The following LRBA variants were observed in gnomAD, a reference collection of about 807,000 sequenced individuals.
LRBA encodes LPS responsive beige-like anchor protein.
A neutral mutation model predicts 330.0 loss-of-function variants in LRBA; 176 were observed. The ratio of observed to expected loss-of-function variants is 0.53; its 90% CI spans 0.47 to 0.60. The LOEUF (loss-of-function observed/expected upper bound fraction) is 0.60. Ranked by LOEUF, LRBA falls within the 20% of genes least tolerant of loss-of-function variation. The probability of loss-of-function intolerance (pLI) is 0.00; values close to 1 mark genes in which losing one functional copy is unlikely to be tolerated. For missense variants in LRBA, 3,259 were observed against 3,444.8 expected (o/e 0.95, Z 1.35); for synonymous variants, 1,230 against 1,193.0 (o/e 1.03, Z -0.64).
intron 5 of LRBA, 42 bp from the exon 6 acceptor site, chr4:150,916,780 C>A: frequency 6.8e-7 from 1 of 1,473,106 alleles, no homozygotes; most frequent in Non-Finnish European, 9.1e-7. Flanking sequence ...ACGTGAAAAC[C>A]TGTCTTATTA....
intron 36 of LRBA, among the ~76,000 whole-genome samples, chr4:150,725,078 TAAGAAAA>T (rs1445562658): frequency 3.3e-5 from 5 of 150,536 alleles, no homozygotes; most frequent in Non-Finnish European, 7.4e-5. Flanking sequence ...GAAAAAGGAA[TAAGAAAA>T]AATGAAGCAT....
Position 150,915,628 on chromosome 4 carries a change from A to T in LRBA, c.994T>A (p.Trp332Arg). The change falls in exon 8 of 57, where the codon TGG becomes AGG. Residue 332 changes from tryptophan (W) to arginine (R), a missense_variant. Physicochemically the swap from Trp to Arg is moderately radical, Grantham distance 101 (BLOSUM62 -3). Transcript: ENST00000651943. ...CTTACATCGCTAGTGTTGACAAACC[A>T]TGTTATCTCTCCATAGGAAGCCAGC... ...GELASYGEITWFVNTSDTFDK... is the reference protein window; with the variant it reads ...GELASYGEITRFVNTSDTFDK... The T allele has an allele frequency of 1.9e-6, 3 of 1,611,952 alleles. No individual in the cohort carries two copies. Among genetic ancestry groups the T allele is most frequent in the Non-Finnish European group, 2.5e-6 (3 of 1,179,108 alleles).
At chr4:150,527,013 C>CTT (rs149377678) in intron 40 of LRBA, among the ~76,000 whole-genome samples, 175 of 144,152 alleles carry the variant, frequency 1.2e-3, no homozygotes, top group African/African-American at 3.9e-3. Flanking sequence ...TTTTCTTCTA[C>CTT]TTTTTTTTTT....
intron 48 of LRBA, 82 bp from the exon 49 acceptor site, chr4:150,325,980 A>C: frequency 1.7e-5 from 13 of 785,278 alleles, no homozygotes; most frequent in East Asian, 7.9e-5. Flanking sequence ...TGAAAATATC[A>C]TTCCATACTC....
At chr4:150,494,213 G>T (rs1333875119) in intron 40 of LRBA, among the ~76,000 whole-genome samples, 1 of 152,124 alleles carries the variant, frequency 6.6e-6, no homozygotes, top group African/African-American at 2.4e-5. Context: ...AGCTTCCATT[G>T]TATATACCAC....
intron 37 of LRBA, among the ~76,000 whole-genome samples, chr4:150,622,332 A>C (rs1486805053): frequency 2.0e-5 from 3 of 152,216 alleles, no homozygotes; most frequent in Non-Finnish European, 4.4e-5. Flanking sequence ...TGAGCCTAGA[A>C]GGTCAAGACC....
At chr4:150,440,333 CAAAT>C (rs1443441566) in intron 44 of LRBA, among the ~76,000 whole-genome samples, 2 of 151,884 alleles carry the variant, frequency 1.3e-5, no homozygotes, top group African/African-American at 2.4e-5. Context: ...AAAAAGCTAA[CAAAT>C]AAATAGAATT....
chr4:150,296,520 GATA>G (rs1253111463), intron 53 of LRBA, among the ~76,000 whole-genome samples: 1 of 152,086 alleles, frequency 6.6e-6, no homozygotes, highest in Admixed American at 6.6e-5. Context: ...GATATACTTA[GATA>G]ATGGCCCTGT....
At chr4:150,682,123 G>C (rs1783106331) in intron 37 of LRBA, among the ~76,000 whole-genome samples, 2 of 152,128 alleles carry the variant, frequency 1.3e-5, no homozygotes, top group Non-Finnish European at 2.9e-5. Flanking sequence ...TTTTTAAAAA[G>C]ATTCAACAAA....
chr4:150,954,828 A>AAAAAAAAAAG (rs1737357850), intron 2 of LRBA, among the ~76,000 whole-genome samples: 1 of 143,988 alleles, frequency 6.9e-6, no homozygotes. Context: ...AAAAAAAAAA[A>AAAAAAAAAAG]AAAAAAAAAA....
chr4:150,441,493 A>G (rs1004891975), intron 44 of LRBA, among the ~76,000 whole-genome samples: 1 of 152,138 alleles, frequency 6.6e-6, no homozygotes, highest in Non-Finnish European at 1.5e-5. Context: ...TTAAAAGCAC[A>G]TAACAGACTT....
chr4:150,862,791 A>C (rs1752125051), intron 22 of LRBA, among the ~76,000 whole-genome samples: 1 of 152,078 alleles, frequency 6.6e-6, no homozygotes, highest in Non-Finnish European at 1.5e-5. Flanking sequence ...AGCCTGGGCA[A>C]CGTGGTGAAA....
chr4:150,296,284 G>GCAGT (rs1361908915), intron 53 of LRBA, among the ~76,000 whole-genome samples: 2 of 152,026 alleles, frequency 1.3e-5, no homozygotes, highest in African/African-American at 4.8e-5. Flanking sequence ...AGGAAATAAG[G>GCAGT]CAGTCTCTCA....
At chr4:150,711,057 A>C (rs914581658) in intron 36 of LRBA, among the ~76,000 whole-genome samples, 5 of 151,954 alleles carry the variant, frequency 3.3e-5, no homozygotes, top group African/African-American at 1.2e-4. Context: ...TACATCAAAA[A>C]AAATTTGAAA....
intron 40 of LRBA, among the ~76,000 whole-genome samples, chr4:150,568,781 C>T (rs1037035659): frequency 1.3e-5 from 2 of 152,092 alleles, no homozygotes; most frequent in Admixed American, 6.6e-5. Context: ...GCTCTACTCA[C>T]TTAAACTAGT....
rs1222905264 is a variant in LRBA at position 150,583,284 on chromosome 4, C to A, written c.6330+4764G>T. On this transcript the variant is annotated intron_variant, in intron 40 of 56. Coordinates refer to ENST00000651943, the MANE Select transcript of LRBA (RefSeq NM_001364905.1). This position sits in a 1 kb window ranked among gnomAD's most constrained non-coding sequence, Gnocchi z 9.8. ...TGCTCTACCTAAACCAGATGGGCGT[C>A]TTCAACTTCGTGGACGACGGCTCGC... 2 of 1,614,238 alleles carry A rather than the reference C, an allele frequency of 1.2e-6. No individual in the cohort carries two copies. Among genetic ancestry groups the A allele is most frequent in the South Asian group, 1.1e-5 (1 of 91,088 alleles).
Position 150,321,903 on chromosome 4 carries a change from A to G in LRBA, c.7453-535T>C, listed in dbSNP as rs1387083780. Among the ~76,000 whole-genome samples, 2 of 152,214 alleles carry G rather than the reference A, an allele frequency of 1.3e-5. No individual in the cohort carries two copies. Among genetic ancestry groups the G allele is most frequent in the African/African-American group, 4.8e-5 (2 of 41,464 alleles). ...AATGAAAACAAATACATTTATAAACAATAGTTAGACTGCATGCATATATTA... is the reference window on the plus strand; with the variant it reads ...AATGAAAACAAATACATTTATAAACGATAGTTAGACTGCATGCATATATTA... On this transcript the variant is annotated intron_variant, in intron 49 of 56. Transcript: ENST00000651943. This position sits in a 1 kb window ranked among gnomAD's most constrained non-coding sequence, Gnocchi z 4.5.
At chr4:150,915,863 A>G (rs973746767) in intron 7 of LRBA, 136 bp from the exon 8 acceptor site, 1 of 556,920 alleles carries the variant, frequency 1.8e-6, no homozygotes, top group Non-Finnish European at 2.8e-6. Context: ...GTTAAATTCA[A>G]TATTTACTTT....
At chr4:150,639,745 A>ATATATG (rs1778339701) in intron 37 of LRBA, among the ~76,000 whole-genome samples, 1 of 1,466 alleles carries the variant, frequency 6.8e-4, no homozygotes, top group African/African-American at 2.0e-3. Context: ...AAATATATAT[A>ATATATG]TATATATATA....
Sources: gnomAD v4.1 joint callset for allele counts (sites outside exome capture counted in the v4.1 genomes callset) on GRCh38, gnomAD v4.1.1 for gene constraint, Gnocchi (gnomAD v3.1) non-coding constraint, MANE v1.5 for transcripts, NCBI Gene and HGNC (gene_info 2026-07-23, HGNC 2026-07-21) for gene names.